The following SNUPN variants were observed in gnomAD, a reference collection of about 807,000 sequenced individuals.
SNUPN encodes the protein snurportin-1.
Under a neutral mutation model 39.2 loss-of-function variants are expected in SNUPN, and 31 were observed. The ratio of observed to expected loss-of-function variants is 0.79; its 90% confidence interval spans 0.59 to 1.07. The LOEUF (loss-of-function observed/expected upper bound fraction) is 1.07, where lower values mean the gene tolerates loss of function less well. Ranked by LOEUF, SNUPN falls within the 50% of genes least tolerant of loss-of-function variation. The pLI, the probability that SNUPN is intolerant of heterozygous loss-of-function variation, is 0.00. For missense variants in SNUPN, 382 were observed against 434.2 expected (o/e 0.88, Z 1.07); for synonymous variants, 132 against 159.0 (o/e 0.83, Z 1.28).
intron 3 of SNUPN, among the ~76,000 whole-genome samples, chr15:75,612,851 C>A (rs1892820199): frequency 6.6e-6 from 1 of 151,862 alleles, no homozygotes; most frequent in African/African-American, 2.4e-5. Context: ...TAGACTACAT[C>A]AAAATTTAAA....
intron 8 of SNUPN, chr15:75,600,872 C>T (rs1010359907): frequency 1.8e-5 from 7 of 379,420 alleles, no homozygotes; most frequent in African/African-American, 4.2e-5. Flanking sequence ...TCAGTTTCTC[C>T]GGACCTCAGT....
At chr15:75,624,727 C>T in intron 1 of SNUPN, 1 of 1,272,690 alleles carries the variant, frequency 7.9e-7, no homozygotes, top group Non-Finnish European at 1.0e-6. Context: ...TCCTTCAAGG[C>T]TGTTCTTGGC....
At chr15:75,607,756 G>T (rs1182664607) in intron 5 of SNUPN, among the ~76,000 whole-genome samples, 1 of 152,140 alleles carries the variant, frequency 6.6e-6, no homozygotes, top group East Asian at 1.9e-4. Flanking sequence ...GATCACAGAA[G>T]AACTAAGAGC....
At chr15:75,610,781 G>A (rs75771874) in intron 3 of SNUPN, among the ~76,000 whole-genome samples, 24,848 of 152,096 alleles carry the variant, frequency 0.16, 2,725 homozygotes, top group Non-Finnish European at 0.24. Context: ...CTTAAAAAAC[G>A]AAACAACGCC....
In SNUPN at chr15:75,598,420, T is replaced by C. The variant is rs138216979; in HGVS notation, c.1021A>G (p.Thr341Ala). The change falls in exon 9 of 9, where the codon ACT (threonine) becomes GCT (alanine). Residue 341 changes from threonine (T) to alanine (A), a missense_variant. Thr to Ala is a moderately conservative substitution (Grantham distance 58). Transcript: ENST00000308588. ...TGGGAAGAACCCTTCAACTTGGGAG[T>C]AGACAGGTGCTCCAATTCATAGTGC... ...NGHYELEHLS[T>A]PKLKGSSHSP... is the part of the protein sequence containing the mutation. The C allele has an allele frequency of 1.2e-6, 2 of 1,614,104 alleles. No individual in the cohort carries two copies. Among genetic ancestry groups the C allele is most frequent in the Non-Finnish European group, 1.7e-6 (2 of 1,180,034 alleles).
At chr15:75,617,577 G>A (rs1892969715) in intron 2 of SNUPN, 25 bp from the exon 3 acceptor site, 3 of 1,585,270 alleles carry the variant, frequency 1.9e-6, no homozygotes, top group Non-Finnish European at 2.6e-6. Flanking sequence ...AAGGCATAAG[G>A]ACATATCTTT....
At chr15:75,617,091 T>G (rs1257221800) in intron 3 of SNUPN, among the ~76,000 whole-genome samples, 1 of 152,224 alleles carries the variant, frequency 6.6e-6, no homozygotes, top group Non-Finnish European at 1.5e-5. Flanking sequence ...GACAAGGATA[T>G]GGAGTGTGTT....
chr15:75,609,518 G>A (rs1892725400), intron 5 of SNUPN, 40 bp downstream of exon 5: 1 of 1,537,744 alleles, frequency 6.5e-7, no homozygotes, highest in Admixed American at 1.7e-5. Context: ...AAATTACACT[G>A]TCTTTTACTG....
At chr15:75,622,368 C>T in intron 1 of SNUPN, 1 of 985,382 alleles carries the variant, frequency 1.0e-6, no homozygotes, top group Non-Finnish European at 1.2e-6. Context: ...ATGTGGAAGG[C>T]TGCTTAACAA....
At chr15:75,624,429 C>T (rs1893162799) in intron 1 of SNUPN, among the ~76,000 whole-genome samples, 1 of 146,596 alleles carries the variant, frequency 6.8e-6, no homozygotes. Context: ...GAGGTTGAAG[C>T]GGGCAGATCA....
At chr15:75,603,290 G>A (rs1171254369) in intron 7 of SNUPN, among the ~76,000 whole-genome samples, 1 of 143,628 alleles carries the variant, frequency 7.0e-6, no homozygotes, top group African/African-American at 2.6e-5. Flanking sequence ...CTCGTGATTC[G>A]CCTGTCTCGG....
At chr15:75,613,535 C>T (rs1004820616) in intron 3 of SNUPN, among the ~76,000 whole-genome samples, 3 of 147,908 alleles carry the variant, frequency 2.0e-5, no homozygotes, top group Admixed American at 6.8e-5. Flanking sequence ...CCCAGCTACT[C>T]GGGAGGCTAA....
chr15:75,607,315 T>C lies in SNUPN; in HGVS notation c.503-2A>G, dbSNP rs916071518. On this transcript the variant is annotated splice_acceptor_variant, in intron 5 of 8. Coordinates refer to ENST00000308588, the MANE Select transcript of SNUPN (RefSeq NM_005701.4). LOFTEE classifies it high-confidence loss of function. ...AAATGCAATCTAGAATGGTGTAGTC[T>C]GAGGACACAAAGCAGAAAGTCAGCA... The C allele has an allele frequency of 1.2e-6, 2 of 1,600,658 alleles. No individual in the cohort carries two copies. Among genetic ancestry groups the C allele is most frequent in the Non-Finnish European group, 8.6e-7 (1 of 1,167,834 alleles).
intron 2 of SNUPN, among the ~76,000 whole-genome samples, chr15:75,618,242 G>C (rs1892984942): frequency 6.6e-6 from 1 of 152,138 alleles, no homozygotes; most frequent in African/African-American, 2.4e-5. Flanking sequence ...GAAGAGAAGA[G>C]CCACTGAGAT....
intron 5 of SNUPN, 26 bp from the exon 6 acceptor site, chr15:75,607,339 C>T (rs375659571): frequency 1.8e-4 from 276 of 1,516,988 alleles, no homozygotes; most frequent in Non-Finnish European, 2.5e-4. Flanking sequence ...AGAAAGTCAG[C>T]ACAGAGTTCT....
intron 6 of SNUPN, chr15:75,605,446 G>A (rs1249181083): frequency 3.0e-5 from 11 of 366,748 alleles, no homozygotes; most frequent in Admixed American, 8.8e-5. Flanking sequence ...GACTACAGGC[G>A]CCCACTGCCA....
chr15:75,608,860 C>T (rs565713662), intron 5 of SNUPN, among the ~76,000 whole-genome samples: 7 of 152,188 alleles, frequency 4.6e-5, no homozygotes, highest in African/African-American at 1.7e-4. Flanking sequence ...GCTTTCAGGC[C>T]GGGTGCAGTG....
chr15:75,599,251 A>C (rs1214799466), intron 8 of SNUPN, among the ~76,000 whole-genome samples: 1 of 152,146 alleles, frequency 6.6e-6, no homozygotes, highest in Admixed American at 6.5e-5. Flanking sequence ...CTATTTTACT[A>C]TCTTACCCAT....
chr15:75,604,655 A>AC (rs1395157026), intron 7 of SNUPN, among the ~76,000 whole-genome samples: 34 of 152,316 alleles, frequency 2.2e-4, no homozygotes, highest in African/African-American at 7.9e-4. Context: ...AGATGTTATT[A>AC]CCCTATTTTT....
Sources: allele counts gnomAD v4.1 joint callset (sites outside exome capture counted in the v4.1 genomes callset), GRCh38; gene constraint gnomAD v4.1.1; transcripts MANE v1.5; gene names NCBI Gene and HGNC (gene_info 2026-07-23, HGNC 2026-07-21).